Variants in RAI1 observed in about 807,000 individuals in gnomAD.
The protein encoded by RAI1 is retinoic acid induced 1.
In RAI1, 9 loss-of-function variants were observed where a neutral mutation model predicts 123.8. The observed-to-expected ratio is 0.07, with a 90% CI of 0.04 to 0.13. The LOEUF is 0.13. RAI1 is among the 10% of genes least tolerant of loss of function. RAI1 has a pLI of 1.00. For missense variants in RAI1, 2,256 were observed against 2,545.8 expected (o/e 0.89, Z 2.45); for synonymous variants, 1,231 against 1,127.3 (o/e 1.09, Z -1.84).
intron 2 of RAI1, among the ~76,000 whole-genome samples, chr17:17,773,029 G>A (rs1157324863): frequency 7.2e-6 from 1 of 138,960 alleles, no homozygotes; most frequent in Non-Finnish European, 1.5e-5. Context: ...ATAGATGGGT[G>A]TGTGTGCATG....
At chr17:17,710,779 G>A (rs1181457108) in intron 1 of RAI1, among the ~76,000 whole-genome samples, 2 of 152,236 alleles carry the variant, frequency 1.3e-5, no homozygotes, top group Non-Finnish European at 2.9e-5. Context: ...CCTCTGGGAA[G>A]CCTGTGCATT....
intron 1 of RAI1, among the ~76,000 whole-genome samples, chr17:17,686,608 T>TGTGTGTGTGTGTGTGCGC (rs1491248703): frequency 7.3e-6 from 1 of 137,764 alleles, no homozygotes; most frequent in Non-Finnish European, 1.6e-5. Flanking sequence ...TGTGTGTGTG[T>TGTGTGTGTGTGTGTGCGC]GCACGCGCGC....
intron 2 of RAI1, among the ~76,000 whole-genome samples, chr17:17,792,471 G>T (rs929553957): frequency 3.9e-5 from 6 of 151,944 alleles, no homozygotes; most frequent in African/African-American, 1.5e-4. Context: ...GATCCAGCAG[G>T]CCCCAGGGGA....
intron 2 of RAI1, among the ~76,000 whole-genome samples, chr17:17,766,692 C>A (rs2030946432): frequency 6.6e-6 from 1 of 152,244 alleles, no homozygotes; most frequent in African/African-American, 2.4e-5. Flanking sequence ...GTAGGGTTTG[C>A]TGGGGATGAC....
chr17:17,737,014 A>C (rs576820668), intron 2 of RAI1, among the ~76,000 whole-genome samples: 1 of 152,126 alleles, frequency 6.6e-6, no homozygotes, highest in Non-Finnish European at 1.5e-5. Flanking sequence ...TCAGTAGACC[A>C]CTGGCATTTC....
At position 17,681,567 on chromosome 17, in the gene RAI1, G is replaced by A; in HGVS notation, c.-375G>A. On this transcript the variant is annotated 5_prime_UTR_variant, in exon 1 of 6. Coordinates refer to ENST00000353383, the MANE Select transcript of RAI1 (RefSeq NM_030665.4). ...CCCCGCCCGCGGCTGGGCTCCGAGA[G>A]ACGAGTGGGAGAGCGAGTGCAGCGA... 1 of 191,832 alleles carries A rather than the reference G, an allele frequency of 5.2e-6. No individual in the cohort carries two copies. 11.9% of individuals were successfully genotyped at this position (191,832 alleles called of 1,614,324 possible).
chr17:17,808,152 G>A (rs1222146073), intron 4 of RAI1, among the ~76,000 whole-genome samples: 1 of 152,078 alleles, frequency 6.6e-6, no homozygotes, highest in Non-Finnish European at 1.5e-5. Flanking sequence ...GAGGGGAGCC[G>A]AGAAGGGGAC....
chr17:17,689,867 T>G (rs1914777373), intron 1 of RAI1, among the ~76,000 whole-genome samples: 1 of 152,144 alleles, frequency 6.6e-6, no homozygotes, highest in Non-Finnish European at 1.5e-5. Flanking sequence ...ATGGACCAGC[T>G]TGGTGCTGGA....
At chr17:17,734,793 T>C (rs1916375746) in intron 2 of RAI1, among the ~76,000 whole-genome samples, 2 of 152,230 alleles carry the variant, frequency 1.3e-5, no homozygotes, top group African/African-American at 4.8e-5. Context: ...TGTGCTTGCA[T>C]GTTTGTACAT....
At chr17:17,702,753 G>A (rs1414423505) in intron 1 of RAI1, among the ~76,000 whole-genome samples, 1 of 152,198 alleles carries the variant, frequency 6.6e-6, no homozygotes, top group Non-Finnish European at 1.5e-5. Context: ...GTATCCAGTA[G>A]TTTATCACCA....
chr17:17,722,172 C>A (rs375522645), intron 1 of RAI1, among the ~76,000 whole-genome samples: 1 of 152,152 alleles, frequency 6.6e-6, no homozygotes, highest in African/African-American at 2.4e-5. Flanking sequence ...CGAGCCAGGG[C>A]TGACACATCT....
intron 2 of RAI1, among the ~76,000 whole-genome samples, chr17:17,732,002 T>G (rs1041338936): frequency 1.3e-5 from 2 of 149,164 alleles, no homozygotes; most frequent in Non-Finnish European, 3.0e-5. Context: ...GAGGTGGTGG[T>G]GGGGGGAATA....
intron 1 of RAI1, among the ~76,000 whole-genome samples, chr17:17,691,811 A>C (rs1469314807): frequency 6.6e-6 from 1 of 152,100 alleles, no homozygotes; most frequent in Non-Finnish European, 1.5e-5. Flanking sequence ...CAGTGGGAGC[A>C]CCCTAGCCCC....
At chr17:17,696,085 A>C (rs1050530551) in intron 1 of RAI1, among the ~76,000 whole-genome samples, 2 of 152,246 alleles carry the variant, frequency 1.3e-5, no homozygotes, top group African/African-American at 2.4e-5. Context: ...TTCTTAGTGA[A>C]ATTGTCAGAT....
At chr17:17,776,611 C>A (rs1018981336) in intron 2 of RAI1, 13 of 150,812 alleles carry the variant, frequency 8.6e-5, no homozygotes, top group Admixed American at 4.0e-4. Flanking sequence ...CCACCTTGGC[C>A]TCCCAAAGTG....
intron 2 of RAI1, chr17:17,779,198 C>T: frequency 3.0e-6 from 1 of 338,182 alleles, no homozygotes; most frequent in Non-Finnish European, 5.8e-6. Context: ...CGGGTGGCCC[C>T]AGGCCTGCCT....
chr17:17,745,405 T>TTG (rs112938506), intron 2 of RAI1, among the ~76,000 whole-genome samples: 7,282 of 147,652 alleles, frequency 0.049, 393 homozygotes, highest in African/African-American at 0.13. Context: ...TTGAAGGCTT[T>TTG]TGTGTGTGTG....
At chr17:17,705,237 T>C (rs1008672861) in intron 1 of RAI1, among the ~76,000 whole-genome samples, 1 of 152,216 alleles carries the variant, frequency 6.6e-6, no homozygotes, top group Non-Finnish European at 1.5e-5. Flanking sequence ...CGTCAAAAAA[T>C]AGAACTTTAT....
Position 17,798,122 on chromosome 17 carries a change from C to T in RAI1, c.5174C>T (p.Pro1725Leu). The change falls in exon 3 of 6, where the codon CCA becomes CTA. Residue 1725 changes from proline (P) to leucine (L), a missense_variant. By Grantham distance (98) the Pro-to-Leu change is moderately conservative (BLOSUM62 -3). Coordinates refer to ENST00000353383, the MANE Select transcript of RAI1 (RefSeq NM_030665.4). ...CCAAAACTCAAGGAGAAGGTGCGGC[C>T]AGAAGGCACCTGTGAGGAGGCCTCG... is the stretch of plus-strand genomic sequence containing the variant. ...KKPKLKEKVRPEGTCEEASLP... is the reference protein window; with the variant it reads ...KKPKLKEKVRLEGTCEEASLP... 1 of 1,613,814 alleles carries T rather than the reference C, an allele frequency of 6.2e-7. No individual in the cohort carries two copies. The highest frequency in any genetic ancestry group is 8.5e-7 in the Non-Finnish European group (1 of 1,180,038).
Sources: gnomAD v4.1 joint callset for allele counts (sites outside exome capture counted in the v4.1 genomes callset) on GRCh38, gnomAD v4.1.1 for gene constraint, MANE v1.5 for transcripts, NCBI Gene and HGNC (gene_info 2026-07-23, HGNC 2026-07-21) for gene names.